Variants in WFDC1 observed in about 807,000 individuals in gnomAD.
The protein encoded by WFDC1 is WAP four-disulfide core domain 1, also known as WAP four-disulfide core domain protein 1.
In WFDC1, 39 loss-of-function variants were observed where a neutral mutation model predicts 32.9. The observed-to-expected ratio is 1.19, with a 90% CI of 0.92 to 1.55. WFDC1 has a LOEUF of 1.55. WFDC1 is among the 40% of genes most tolerant of loss of function. The pLI is 0.00. For missense variants in WFDC1, 386 were observed against 309.5 expected, an observed-to-expected ratio of 1.25 and a Z score of -1.85; for synonymous variants, 184 against 137.4, an observed-to-expected ratio of 1.34 and a Z score of -2.37.
intron 4 of WFDC1, among the ~76,000 whole-genome samples, chr16:84,322,830 C>A (rs1335163879): frequency 5.9e-5 from 9 of 152,176 alleles, no homozygotes; most frequent in Non-Finnish European, 1.3e-4. Flanking sequence ...GGTTTGAGGT[C>A]ACACAGAAGC....
At chr16:84,307,054 G>A (rs888806084) in intron 1 of WFDC1, among the ~76,000 whole-genome samples, 2 of 152,148 alleles carry the variant, frequency 1.3e-5, no homozygotes, top group Non-Finnish European at 2.9e-5. Context: ...GTGGGTGGGC[G>A]GGGAAAGAGC....
At chr16:84,321,668 G>T (rs149974145) in intron 4 of WFDC1, among the ~76,000 whole-genome samples, 1 of 152,224 alleles carries the variant, frequency 6.6e-6, no homozygotes, top group Admixed American at 6.5e-5. Context: ...AAGAGGGTCA[G>T]TCATTCAGTG....
chr16:84,321,072 G>T (rs1908277432), intron 4 of WFDC1, among the ~76,000 whole-genome samples: 1 of 152,168 alleles, frequency 6.6e-6, no homozygotes, highest in South Asian at 2.1e-4. Context: ...CTTGCTATTT[G>T]CAGGGCTTTG....
intron 5 of WFDC1, among the ~76,000 whole-genome samples, chr16:84,324,971 C>A (rs962215188): frequency 6.6e-6 from 1 of 152,038 alleles, no homozygotes; most frequent in Non-Finnish European, 1.5e-5. Flanking sequence ...ATTCCTCTAT[C>A]AATCTATTCA....
intron 1 of WFDC1, among the ~76,000 whole-genome samples, chr16:84,311,639 C>T (rs1254188971): frequency 2.0e-5 from 3 of 149,866 alleles, no homozygotes; most frequent in Non-Finnish European, 4.4e-5. Context: ...AACCATCCTC[C>T]CGCCTCAGCC....
At chr16:84,312,596 A>ACGTG (rs1323362288) in intron 1 of WFDC1, among the ~76,000 whole-genome samples, 27 of 152,270 alleles carry the variant, frequency 1.8e-4, no homozygotes, top group Admixed American at 1.3e-4. Flanking sequence ...GTGTACGTAT[A>ACGTG]TGTATACATG....
At chr16:84,315,760 G>A (rs1212017294) in intron 2 of WFDC1, among the ~76,000 whole-genome samples, 1 of 152,146 alleles carries the variant, frequency 6.6e-6, no homozygotes, top group Non-Finnish European at 1.5e-5. Context: ...GAACAAAATC[G>A]CTCTGCATTG....
chr16:84,322,799 A>G (rs1039551269), intron 4 of WFDC1, among the ~76,000 whole-genome samples: 1 of 152,190 alleles, frequency 6.6e-6, no homozygotes, highest in Admixed American at 6.5e-5. Context: ...TTCAGGGAAA[A>G]TCGGTGCATT....
In WFDC1 at chr16:84,319,395, C is replaced by G. The variant is rs116508956; in HGVS notation, c.422-36C>G. 43 of 1,600,122 alleles carry G rather than the reference C, an allele frequency of 2.7e-5. No homozygotes were observed. The Middle Eastern group carries it at 6.6e-4, about 25-fold the overall frequency. ...TAGCATGTGCACCTGTCCTGGGAGT[C>G]GGCCTTCTAGACCCCAGCGTGTGTC... On this transcript the variant is annotated intron_variant, in intron 3 of 6. Transcript: ENST00000219454.
At chr16:84,311,575 C>G (rs1450441995) in intron 1 of WFDC1, among the ~76,000 whole-genome samples, 3 of 137,028 alleles carry the variant, frequency 2.2e-5, no homozygotes, top group African/African-American at 8.2e-5. Flanking sequence ...ATTGCCCAGG[C>G]TGGAGGGGAG....
At chr16:84,317,333 TAAATAAG>T (rs1471214491) in intron 2 of WFDC1, 23 of 93,544 alleles carry the variant, frequency 2.5e-4, no homozygotes, top group African/African-American at 7.8e-4. Flanking sequence ...AATAAATAAA[TAAATAAG>T]AAGTAAATAA....
At chr16:84,321,840 G>A (rs533802727) in intron 4 of WFDC1, among the ~76,000 whole-genome samples, 4 of 152,226 alleles carry the variant, frequency 2.6e-5, no homozygotes, top group African/African-American at 4.8e-5. Context: ...TCCAAAGCCT[G>A]TAACTTTCTT....
At chr16:84,299,670 G>C (rs144558123) in intron 1 of WFDC1, among the ~76,000 whole-genome samples, 1 of 152,342 alleles carries the variant, frequency 6.6e-6, no homozygotes, top group Non-Finnish European at 1.5e-5. Context: ...CACCATGCGG[G>C]CCTCGGTGCT....
At chr16:84,319,064 A>C in intron 3 of WFDC1, 1 of 301,770 alleles carries the variant, frequency 3.3e-6, no homozygotes. Flanking sequence ...GTCTGTGTGT[A>C]TTTGTGCGTC....
intron 1 of WFDC1, among the ~76,000 whole-genome samples, chr16:84,305,826 A>G (rs1430797202): frequency 6.6e-6 from 1 of 151,098 alleles, no homozygotes; most frequent in Non-Finnish European, 1.5e-5. Flanking sequence ...ACAAGGCAAA[A>G]CCCCATCTCT....
At chr16:84,315,767 A>G (rs1288813279) in intron 2 of WFDC1, among the ~76,000 whole-genome samples, 3 of 152,228 alleles carry the variant, frequency 2.0e-5, no homozygotes, top group South Asian at 2.1e-4. Flanking sequence ...ATCGCTCTGC[A>G]TTGAGAAACA....
At chr16:84,306,492 A>G (rs1907267166) in intron 1 of WFDC1, among the ~76,000 whole-genome samples, 1 of 152,226 alleles carries the variant, frequency 6.6e-6, no homozygotes, top group African/African-American at 2.4e-5. Context: ...CCAGCTTTAC[A>G]TTTTGAAAGC....
Position 84,313,158 on chromosome 16 carries a change from G to C in WFDC1, c.337+5G>C. 7.1e-7 allele frequency: 1 copy of C among 1,415,302 alleles called. No homozygotes were observed. The highest frequency in any genetic ancestry group is 9.2e-7 in the Non-Finnish European group (1 of 1,092,310). The allele number at this position is 1,415,302 out of a possible 1,614,324, so 87.7% of individuals were successfully genotyped here. A position where few individuals can be genotyped will look rare whatever the true frequency, so the allele number is the denominator to read the frequency against. ...AAGCTGTGCCGCCCCCGCCAGGTAGGTCCTGGGCCCGAGGGAGGGGGCTGA... is the reference window on the plus strand; with the variant it reads ...AAGCTGTGCCGCCCCCGCCAGGTAGCTCCTGGGCCCGAGGGAGGGGGCTGA... On this transcript the variant is annotated splice_donor_5th_base_variant and intron_variant, in intron 2 of 6. Transcript: ENST00000219454.
intron 1 of WFDC1, among the ~76,000 whole-genome samples, chr16:84,301,242 T>C (rs1361419294): frequency 6.6e-6 from 1 of 152,174 alleles, no homozygotes; most frequent in Non-Finnish European, 1.5e-5. Context: ...AATCCACTTG[T>C]GTTGTTTTAA....
Sources: allele counts gnomAD v4.1 joint callset (sites outside exome capture counted in the v4.1 genomes callset), GRCh38; gene constraint gnomAD v4.1.1; transcripts MANE v1.5; gene names NCBI Gene and HGNC (gene_info 2026-07-23, HGNC 2026-07-21).